Variants in NEGR1 observed in about 807,000 individuals in gnomAD.
NEGR1 encodes the protein IgLON family member 4.
In NEGR1, 10 loss-of-function variants were observed where a neutral mutation model predicts 40.9. That is an observed-to-expected ratio of 0.24 (90% CI 0.15 to 0.42). NEGR1 has a LOEUF of 0.42. Ranked by LOEUF, NEGR1 falls within the 10% of genes least tolerant of loss-of-function variation. NEGR1 has a pLI of 1.00. For missense variants in NEGR1, 352 were observed against 438.9 expected, an observed-to-expected ratio of 0.80 and a Z score of 1.77; for synonymous variants, 185 against 166.8, an observed-to-expected ratio of 1.11 and a Z score of -0.84.
intron 1 of NEGR1, among the ~76,000 whole-genome samples, chr1:72,234,091 G>T (rs1023147052): frequency 6.6e-6 from 1 of 152,052 alleles, no homozygotes; most frequent in South Asian, 2.1e-4. Context: ...CAGGTATTAA[G>T]CCTAGTACCC....
intron 2 of NEGR1, among the ~76,000 whole-genome samples, chr1:71,857,231 A>G (rs996795429): frequency 1.3e-5 from 2 of 151,886 alleles, no homozygotes; most frequent in Non-Finnish European, 2.9e-5. Context: ...GTCCTATGTT[A>G]GAACTCAAAA....
At chr1:71,608,952 A>C (rs913296730) in intron 5 of NEGR1, among the ~76,000 whole-genome samples, 1 of 152,140 alleles carries the variant, frequency 6.6e-6, no homozygotes, top group Non-Finnish European at 1.5e-5. Context: ...TACAAACTGA[A>C]ACTTCTCAAC....
chr1:72,220,526 G>A (rs1557584739), intron 1 of NEGR1, among the ~76,000 whole-genome samples: 2 of 151,826 alleles, frequency 1.3e-5, no homozygotes, highest in African/African-American at 4.8e-5. Flanking sequence ...ATTATTTGTG[G>A]TACTGTACCA....
chr1:71,836,824 C>A (rs140239669), intron 2 of NEGR1, among the ~76,000 whole-genome samples: 1 of 151,852 alleles, frequency 6.6e-6, no homozygotes, highest in South Asian at 2.1e-4. Context: ...AAGCATATGG[C>A]GAAGTCAGAC....
chr1:71,822,309 C>T (rs1028326350), intron 2 of NEGR1, among the ~76,000 whole-genome samples: 3 of 151,850 alleles, frequency 2.0e-5, no homozygotes, highest in Non-Finnish European at 4.4e-5. Context: ...AGAAGATCTA[C>T]GTATTATATG....
At chr1:72,122,445 G>A (rs1317411143) in intron 1 of NEGR1, among the ~76,000 whole-genome samples, 2 of 151,922 alleles carry the variant, frequency 1.3e-5, no homozygotes, top group Non-Finnish European at 2.9e-5. Context: ...AATCCATTTA[G>A]TAACTTTATG....
intron 1 of NEGR1, among the ~76,000 whole-genome samples, chr1:72,093,494 T>C (rs1172964232): frequency 6.6e-6 from 1 of 152,198 alleles, no homozygotes; most frequent in Non-Finnish European, 1.5e-5. Flanking sequence ...TTAACACTCA[T>C]CAATAGTTTC....
intron 2 of NEGR1, among the ~76,000 whole-genome samples, chr1:71,876,897 T>C (rs556871894): frequency 6.6e-6 from 1 of 152,220 alleles, no homozygotes; most frequent in South Asian, 2.1e-4. Context: ...ACCTCTGTTT[T>C]AGAATTCCCA....
chr1:71,641,047 C>G (rs572589305), intron 4 of NEGR1, among the ~76,000 whole-genome samples: 37 of 152,166 alleles, frequency 2.4e-4, no homozygotes, highest in African/African-American at 8.2e-4. Flanking sequence ...TTTGCAGAAA[C>G]CACACAACAA....
chr1:71,434,144 G>C (rs1646488877), intron 6 of NEGR1, among the ~76,000 whole-genome samples: 1 of 151,674 alleles, frequency 6.6e-6, no homozygotes, highest in Admixed American at 6.6e-5. Context: ...GCAACAGTTT[G>C]AAAAAACTGG....
intron 6 of NEGR1, among the ~76,000 whole-genome samples, chr1:71,494,754 T>C (rs1258572585): frequency 1.3e-5 from 2 of 152,196 alleles, no homozygotes; most frequent in Non-Finnish European, 2.9e-5. Flanking sequence ...ACAGACCCAC[T>C]TCCTTCCTGA....
chr1:71,767,804 C>T (rs915188664), intron 3 of NEGR1, among the ~76,000 whole-genome samples: 2 of 152,234 alleles, frequency 1.3e-5, no homozygotes, highest in Admixed American at 6.5e-5. Context: ...GGCCCAGGGC[C>T]GAGCTGCCTT....
chr1:71,995,640 T>G (rs1296782710), intron 1 of NEGR1, among the ~76,000 whole-genome samples: 1 of 152,150 alleles, frequency 6.6e-6, no homozygotes, highest in African/African-American at 2.4e-5. Flanking sequence ...CTTTCATTAT[T>G]TTACAACATC....
At chr1:71,542,963 AATAC>A (rs376126390) in intron 6 of NEGR1, among the ~76,000 whole-genome samples, 44 of 151,858 alleles carry the variant, frequency 2.9e-4, no homozygotes, top group African/African-American at 1.0e-3. Flanking sequence ...ATGTAAGGTG[AATAC>A]ATACATACAC....
chr1:71,761,848 A>T (rs1349781016), intron 3 of NEGR1, among the ~76,000 whole-genome samples: 1 of 152,164 alleles, frequency 6.6e-6, no homozygotes, highest in Non-Finnish European at 1.5e-5. Context: ...TAAAAGAAGG[A>T]AACTTAGGGC....
At chr1:71,416,801 T>C (rs1053265045) in intron 6 of NEGR1, among the ~76,000 whole-genome samples, 1 of 152,206 alleles carries the variant, frequency 6.6e-6, no homozygotes, top group Non-Finnish European at 1.5e-5. Context: ...TTTGCTGCAC[T>C]TTTGTATTTG....
intron 2 of NEGR1, among the ~76,000 whole-genome samples, chr1:71,897,838 G>C (rs924579872): frequency 1.3e-5 from 2 of 152,090 alleles, no homozygotes; most frequent in Non-Finnish European, 2.9e-5. Flanking sequence ...AGAAGCGCAG[G>C]CATAACTGAA....
At chr1:72,197,285 G>T (rs1653035662) in intron 1 of NEGR1, among the ~76,000 whole-genome samples, 1 of 151,954 alleles carries the variant, frequency 6.6e-6, no homozygotes, top group South Asian at 2.1e-4. Flanking sequence ...TCGGAACACT[G>T]CTTAGATGCC....
At chr1:71,527,737 T>G (rs1271057967) in intron 6 of NEGR1, among the ~76,000 whole-genome samples, 1 of 121,864 alleles carries the variant, frequency 8.2e-6, no homozygotes, top group Non-Finnish European at 1.8e-5. Flanking sequence ...ACAATTGGAC[T>G]TTTTTTTTTA....
Sources: allele counts gnomAD v4.1 joint callset (sites outside exome capture counted in the v4.1 genomes callset), GRCh38; gene constraint gnomAD v4.1.1; transcripts MANE v1.5; gene names NCBI Gene and HGNC (gene_info 2026-07-23, HGNC 2026-07-21).